SYT1: variants seen among roughly 807,000 people sequenced by gnomAD.
SYT1 encodes synaptotagmin 1.
In SYT1, 8 loss-of-function variants were observed where a neutral mutation model predicts 44.8. The observed-to-expected ratio is 0.18, with a 90% confidence interval of 0.10 to 0.32. The LOEUF is 0.32. Ranked by LOEUF, SYT1 falls within the 10% of genes least tolerant of loss-of-function variation. The pLI is 1.00. For missense variants in SYT1, 286 were observed against 509.3 expected, an observed-to-expected ratio of 0.56 and a Z score of 4.22; for synonymous variants, 154 against 188.8, an observed-to-expected ratio of 0.82 and a Z score of 1.51.
chr12:78,937,547 A>G (rs1342044318), intron 1 of SYT1, among the ~76,000 whole-genome samples: 1 of 152,164 alleles, frequency 6.6e-6, no homozygotes, highest in Non-Finnish European at 1.5e-5. Context: ...AGAGGTTGTT[A>G]TATTACAAAG....
At chr12:79,316,199 C>T (rs1188645813) in intron 8 of SYT1, among the ~76,000 whole-genome samples, 2 of 152,150 alleles carry the variant, frequency 1.3e-5, no homozygotes, top group African/African-American at 2.4e-5. Flanking sequence ...CTAGAGGTAA[C>T]TTCTGTTCTG....
In SYT1 at chr12:79,410,624, C is replaced by T. The variant is rs578004759; in HGVS notation, c.929-33449C>T. Among the ~76,000 whole-genome samples, 6 of 152,008 alleles carry T rather than the reference C, an allele frequency of 3.9e-5. No individual in the cohort carries two copies. The East Asian group carries it at 1.2e-3, about 29-fold the overall frequency. ...TCCTCTAGTAATAGGCTCCTTTTCC[C>T]TAAATGTATTTACTGAAGGCCTCTG... On this transcript the variant is annotated intron_variant, in intron 9 of 10. Transcript: ENST00000261205.
intron 9 of SYT1, among the ~76,000 whole-genome samples, chr12:79,375,750 T>G (rs1239874890): frequency 2.6e-5 from 4 of 152,222 alleles, no homozygotes; most frequent in Non-Finnish European, 5.9e-5. Context: ...TGCTAACTTG[T>G]TATTTGACTG....
intron 3 of SYT1, among the ~76,000 whole-genome samples, chr12:79,108,079 A>C (rs944111579): frequency 6.6e-6 from 1 of 152,054 alleles, no homozygotes; most frequent in South Asian, 2.1e-4. Context: ...AGACAGCTAC[A>C]ATTAAATGAC....
At chr12:78,868,301 A>C (rs1246072251) in intron 1 of SYT1, among the ~76,000 whole-genome samples, 1 of 151,964 alleles carries the variant, frequency 6.6e-6, no homozygotes, top group Non-Finnish European at 1.5e-5. Context: ...TACCAAAGTT[A>C]GACTTTCTGC....
chr12:79,335,229 C>G lies in SYT1; in HGVS notation c.811-18273C>G, dbSNP rs968681836. On this transcript the variant is annotated intron_variant, in intron 8 of 10. Transcript: ENST00000261205. Reference sequence around the variant, plus strand: ...TCAACTAGATCTTTCTTTCTGGAATCTAATGTCTCCTCTTGTCAGATAGTC... The same window carrying G: ...TCAACTAGATCTTTCTTTCTGGAATGTAATGTCTCCTCTTGTCAGATAGTC... Among the ~76,000 whole-genome samples the G allele has an allele frequency of 2.4e-4, 36 of 152,244 alleles. 1 individual carries two copies. Among genetic ancestry groups the G allele is most frequent in the Admixed American group, 2.3e-3 (35 of 15,280 alleles).
At chr12:79,244,788 T>C (rs1876723278) in intron 4 of SYT1, among the ~76,000 whole-genome samples, 1 of 152,132 alleles carries the variant, frequency 6.6e-6, no homozygotes, top group Non-Finnish European at 1.5e-5. Context: ...CATCTCAGTT[T>C]AGTACATGTT....
chr12:79,349,025 AAGAAAGAAAAAG>A (rs201630937), intron 8 of SYT1, among the ~76,000 whole-genome samples: 1,484 of 132,490 alleles, frequency 0.011, 19 homozygotes, highest in South Asian at 0.04. Context: ...GAAAGAAAGA[AAGAAAGAAAAAG>A]AAAGAAAGAA....
intron 3 of SYT1, among the ~76,000 whole-genome samples, chr12:79,216,854 A>C (rs1874839369): frequency 6.6e-6 from 1 of 152,182 alleles, no homozygotes; most frequent in East Asian, 1.9e-4. Context: ...ATAGTGACTT[A>C]AATAATTACC....
intron 4 of SYT1, among the ~76,000 whole-genome samples, chr12:79,239,122 GA>G (rs1233325822): frequency 6.6e-6 from 1 of 152,152 alleles, no homozygotes; most frequent in East Asian, 1.9e-4. Context: ...AATAATTTTA[GA>G]TACTATGTTT....
At chr12:79,383,125 G>A (rs939923566) in intron 9 of SYT1, among the ~76,000 whole-genome samples, 9 of 152,206 alleles carry the variant, frequency 5.9e-5, no homozygotes, top group African/African-American at 2.2e-4. Context: ...GAAATGCACA[G>A]TTAGGCAATT....
intron 7 of SYT1, among the ~76,000 whole-genome samples, chr12:79,297,083 T>G (rs1879910862): frequency 6.6e-6 from 1 of 152,190 alleles, no homozygotes; most frequent in South Asian, 2.1e-4. Flanking sequence ...TTGGCAAACA[T>G]TCTGGGATGA....
chr12:79,280,780 C>G (rs1879006698), intron 4 of SYT1, among the ~76,000 whole-genome samples: 1 of 151,602 alleles, frequency 6.6e-6, no homozygotes, highest in Non-Finnish European at 1.5e-5. Flanking sequence ...TATCCAAGAT[C>G]CACAGGGACC....
intron 4 of SYT1, among the ~76,000 whole-genome samples, chr12:79,218,434 G>A (rs1293252296): frequency 6.6e-6 from 1 of 152,066 alleles, no homozygotes; most frequent in Non-Finnish European, 1.5e-5. Context: ...TCATGTTGTA[G>A]ACATAAACAT....
chr12:79,144,524 A>C (rs1869757549), intron 3 of SYT1, among the ~76,000 whole-genome samples: 1 of 152,220 alleles, frequency 6.6e-6, no homozygotes. Flanking sequence ...CCAGGCATCC[A>C]TGGCCCAGGA....
At chr12:79,292,165 C>T in intron 6 of SYT1, 35 bp downstream of exon 6, 1 of 1,587,234 alleles carries the variant, frequency 6.3e-7, no homozygotes, top group South Asian at 1.2e-5. Context: ...AATTCCATTA[C>T]ATTTTCTGAA....
chr12:79,355,917 T>C (rs749638092), intron 9 of SYT1, among the ~76,000 whole-genome samples: 8 of 151,960 alleles, frequency 5.3e-5, no homozygotes, highest in African/African-American at 9.7e-5. Flanking sequence ...CATTCTAATG[T>C]AGGGAAACAG....
At chr12:79,300,789 T>TTTTA (rs1490670835) in intron 8 of SYT1, among the ~76,000 whole-genome samples, 2,675 of 89,426 alleles carry the variant, frequency 0.03, 53 homozygotes, top group African/African-American at 0.033. Context: ...TGTATACTTA[T>TTTTA]TATATATATA....
intron 8 of SYT1, among the ~76,000 whole-genome samples, chr12:79,331,844 A>G (rs1198518441): frequency 6.6e-6 from 1 of 152,156 alleles, no homozygotes; most frequent in Non-Finnish European, 1.5e-5. Context: ...AAATAAAGTC[A>G]TAAAAAATGA....
Sources: allele counts gnomAD v4.1 joint callset (sites outside exome capture counted in the v4.1 genomes callset), GRCh38; gene constraint gnomAD v4.1.1; transcripts MANE v1.5; gene names NCBI Gene and HGNC (gene_info 2026-07-23, HGNC 2026-07-21).